Variants in KIF13A observed in about 807,000 individuals in gnomAD.
The protein encoded by KIF13A is kinesin-like protein KIF13A.
In KIF13A, 79 loss-of-function variants were observed where a neutral mutation model predicts 212.2. The observed-to-expected ratio is 0.37, with a 90% CI of 0.31 to 0.45. KIF13A has a LOEUF of 0.45. KIF13A is among the 20% of genes least tolerant of loss of function. The probability of loss-of-function intolerance (pLI) is 1.00; values close to 1 mark genes in which losing one functional copy is unlikely to be tolerated. For synonymous variants in KIF13A, 789 were observed against 808.6 expected (o/e 0.98, Z 0.41); for missense variants, 1,901 against 2,209.0 (o/e 0.86, Z 2.79).
intron 16 of KIF13A, among the ~76,000 whole-genome samples, chr6:17,822,683 G>C (rs906709790): frequency 6.6e-6 from 1 of 152,110 alleles, no homozygotes; most frequent in Non-Finnish European, 1.5e-5. Context: ...GTCTCCAATG[G>C]GAGTTCCTCC....
chr6:17,882,008 A>T (rs1014666362), intron 3 of KIF13A: 2 of 456,592 alleles, frequency 4.4e-6, no homozygotes, highest in African/African-American at 4.0e-5. Flanking sequence ...AAAAATAAAA[A>T]AAGAAGTAAG....
At position 17,886,029 on chromosome 6, in the gene KIF13A, ACTT is replaced by A. The variant is rs1279631971; in HGVS notation, c.159+12136_159+12138del. Among the ~76,000 whole-genome samples, 1 of 152,242 alleles carries A rather than the reference ACTT, an allele frequency of 6.6e-6. No individual in the cohort carries two copies. Among genetic ancestry groups the A allele is most frequent in the African/African-American group, 2.4e-5 (1 of 41,464 alleles). On this transcript the variant is annotated intron_variant, in intron 3 of 38. Transcript: ENST00000259711. This position sits in a 1 kb window ranked among gnomAD's most constrained non-coding sequence, Gnocchi z 5.6. ...ATGTGGATATTTTCAAACACAGAAT[ACTT>A]CTTCTTCAATAAAAACAGTCCAAAA...
rs1215889281 is a variant in KIF13A at position 17,834,365 on chromosome 6, T to A, written c.1156-294A>T. Among the ~76,000 whole-genome samples, 1 of 152,238 alleles carries A rather than the reference T, an allele frequency of 6.6e-6. No homozygotes were observed. The highest frequency in any genetic ancestry group is 1.5e-5 in the Non-Finnish European group (1 of 68,040). On this transcript the variant is annotated intron_variant, in intron 11 of 38. Coordinates refer to ENST00000259711, the MANE Select transcript of KIF13A (RefSeq NM_022113.6). The surrounding 1 kb of genome is among the most constrained non-coding windows in gnomAD (Gnocchi z 4.0). ...GCCCTAAAAGATGCTAACGTTCAAC[T>A]TTGAAATAGATAAGCAGGACAAAAG...
Position 17,776,418 on chromosome 6 carries a change from A to G in KIF13A, c.4170+859T>C, listed in dbSNP as rs1759986478. Among the ~76,000 whole-genome samples, 1 of 152,218 alleles carries G rather than the reference A, an allele frequency of 6.6e-6. No individual in the cohort carries two copies. Among genetic ancestry groups the G allele is most frequent in the Non-Finnish European group, 1.5e-5 (1 of 68,028 alleles). On this transcript the variant is annotated intron_variant, in intron 34 of 38. Coordinates refer to ENST00000259711, the MANE Select transcript of KIF13A (RefSeq NM_022113.6). The surrounding 1 kb of genome is among the most constrained non-coding windows in gnomAD (Gnocchi z 4.6). ...TCTCATTTAGTTCTAAATACATCCT[A>G]ATTTCCATCATAATTTCTTCTTTGA...
chr6:17,821,384 T>C (rs966850527), intron 16 of KIF13A, among the ~76,000 whole-genome samples: 1 of 152,206 alleles, frequency 6.6e-6, no homozygotes, highest in African/African-American at 2.4e-5. Flanking sequence ...TAGGTGAATA[T>C]ATATCTGGAA....
chr6:17,770,951 G>A (rs900430521), intron 38 of KIF13A, 163 bp downstream of exon 38: 3 of 581,934 alleles, frequency 5.2e-6, no homozygotes, highest in Non-Finnish European at 8.8e-6. Context: ...GTAGGTCATG[G>A]CCACATCCAT....
At chr6:17,980,578 A>G (rs1780975185) in intron 2 of KIF13A, among the ~76,000 whole-genome samples, 3 of 152,138 alleles carry the variant, frequency 2.0e-5, no homozygotes, top group Non-Finnish European at 2.9e-5. Context: ...AGAGCACCTG[A>G]TATGTTTGAA....
At chr6:17,814,249 C>CTTTTT (rs34056148) in intron 17 of KIF13A, among the ~76,000 whole-genome samples, 3 of 89,564 alleles carry the variant, frequency 3.3e-5, no homozygotes, top group Non-Finnish European at 6.0e-5. Flanking sequence ...CAGTGCCCGG[C>CTTTTT]TTTTTTTTTT....
Position 17,785,740 on chromosome 6 carries a change from C to G in KIF13A, c.3362-99G>C, listed in dbSNP as rs144445052. 7.7e-4 allele frequency: 960 copies of G among 1,252,708 alleles called. 9 individuals carry two copies. The African/African-American group carries it at 0.013, about 17-fold the overall frequency. The allele number at this position is 1,252,708 out of a possible 1,614,324, so 77.6% of individuals were successfully genotyped here. On this transcript the variant is annotated intron_variant, in intron 27 of 38. Coordinates refer to ENST00000259711, the MANE Select transcript of KIF13A (RefSeq NM_022113.6). The surrounding 1 kb of genome is among the most constrained non-coding windows in gnomAD (Gnocchi z 5.8). ...TCAGCCTGGGCAACATAGTGAGACC[C>G]CATCTCTACCAAAAAAAAAAAAATA...
intron 6 of KIF13A, among the ~76,000 whole-genome samples, chr6:17,853,605 G>A (rs1386030956): frequency 6.6e-6 from 1 of 152,108 alleles, no homozygotes; most frequent in African/African-American, 2.4e-5. Flanking sequence ...GACAGAGAAA[G>A]TGATGAATTA....
At position 17,771,748 on chromosome 6, in the gene KIF13A, G is replaced by T; in HGVS notation, c.4476+160C>A. 1.6e-6 allele frequency: 1 copy of T among 618,352 alleles called. No individual in the cohort carries two copies. Among genetic ancestry groups the T allele is most frequent in the Non-Finnish European group, 2.9e-6 (1 of 348,998 alleles). The allele number at this position is 618,352 out of a possible 1,614,324, so 38.3% of individuals were successfully genotyped here. ...AACAACAAACAAGAGATTCTACCAT[G>T]ACTCTGCATGCTTGAGAAAGAGGAA... On this transcript the variant is annotated intron_variant, in intron 37 of 38. Coordinates refer to ENST00000259711, the MANE Select transcript of KIF13A (RefSeq NM_022113.6). The surrounding 1 kb of genome is among the most constrained non-coding windows in gnomAD (Gnocchi z 5.4).
rs1436146284 is a variant in KIF13A at position 17,764,292 on chromosome 6, C to A, written c.5236G>T (p.Asp1746Tyr). ...TEFMGVSEGK[D>Y]FDGLTDSSAG... ...GAAGAATCTGTCAAACCATCAAAATCTTTTCCCTCTGACACTCCCATAAAT... is the reference window on the plus strand; with the variant it reads ...GAAGAATCTGTCAAACCATCAAAATATTTTCCCTCTGACACTCCCATAAAT... The change falls in exon 39 of 39, where the codon GAT (aspartate) becomes TAT (tyrosine). Residue 1746 changes from aspartate (D) to tyrosine (Y), a missense_variant. Physicochemically the swap from Asp to Tyr is radical, Grantham distance 160. Coordinates refer to ENST00000259711, the MANE Select transcript of KIF13A (RefSeq NM_022113.6). This position sits in a 1 kb window ranked among gnomAD's most constrained non-coding sequence, Gnocchi z 5.1. 2 of 1,613,910 alleles carry A rather than the reference C, an allele frequency of 1.2e-6. No individual in the cohort carries two copies. The highest frequency in any genetic ancestry group is 2.2e-5 in the East Asian group (1 of 44,892).
At chr6:17,956,561 T>A (rs866198418) in intron 2 of KIF13A, among the ~76,000 whole-genome samples, 42 of 152,216 alleles carry the variant, frequency 2.8e-4, no homozygotes, top group African/African-American at 9.9e-4. Context: ...GCTGTGATAT[T>A]ATGGTGATAG....
At chr6:17,814,979 C>A (rs371358143) in intron 17 of KIF13A, among the ~76,000 whole-genome samples, 1 of 152,064 alleles carries the variant, frequency 6.6e-6, no homozygotes, top group Non-Finnish European at 1.5e-5. Context: ...ACGCAGAGAC[C>A]GGTAGTGGCC....
chr6:17,839,035 G>A lies in KIF13A; in HGVS notation c.831-1452C>T, dbSNP rs1766253845. 6.6e-6 allele frequency among the ~76,000 whole-genome samples: 1 copy of A among 152,168 alleles called. No individual in the cohort carries two copies. Among genetic ancestry groups the A allele is most frequent in the South Asian group, 2.1e-4 (1 of 4,826 alleles). ...GAGTTTCACAATGTTGCCCAGGCTGGTCTTGAACTCCTGATCTCAGGTGAT... is the reference window on the plus strand; with the variant it reads ...GAGTTTCACAATGTTGCCCAGGCTGATCTTGAACTCCTGATCTCAGGTGAT... On this transcript the variant is annotated intron_variant, in intron 9 of 38. Coordinates refer to ENST00000259711, the MANE Select transcript of KIF13A (RefSeq NM_022113.6). The surrounding 1 kb of genome is among the most constrained non-coding windows in gnomAD (Gnocchi z 4.3).
rs142701719 is a variant in KIF13A, at chr6:17,945,229, A to G, written c.146+41825T>C. 5.2e-3 allele frequency among the ~76,000 whole-genome samples: 795 copies of G among 152,354 alleles called. 5 individuals are homozygous for G. Among genetic ancestry groups the G allele is most frequent in the Non-Finnish European group, 8.6e-3 (582 of 68,034 alleles). The stretch of plus-strand genomic sequence containing the variant: ...TGGAACTACAACTAGATGATCACAA[A>G]AATAACACTGAACGAAAGAAGCTAG... On this transcript the variant is annotated intron_variant, in intron 2 of 38. Coordinates refer to ENST00000259711, the MANE Select transcript of KIF13A (RefSeq NM_022113.6).
rs776165310 is a variant in KIF13A at position 17,886,314 on chromosome 6, T to C, written c.159+11854A>G. Among the ~76,000 whole-genome samples the C allele has an allele frequency of 2.0e-5, 3 of 152,094 alleles. No individual in the cohort carries two copies. Among genetic ancestry groups the C allele is most frequent in the African/African-American group, 4.8e-5 (2 of 41,400 alleles). ...GTACATAGAGCCACAGAGAGGAGAATGCTAGGCTGACTCCATGGCCCCAGG... is the reference window on the plus strand; with the variant it reads ...GTACATAGAGCCACAGAGAGGAGAACGCTAGGCTGACTCCATGGCCCCAGG... On this transcript the variant is annotated intron_variant, in intron 3 of 38. Transcript: ENST00000259711. The surrounding 1 kb of genome is among the most constrained non-coding windows in gnomAD (Gnocchi z 5.6).
chr6:17,939,028 T>A (rs1776730804), intron 2 of KIF13A, among the ~76,000 whole-genome samples: 1 of 152,156 alleles, frequency 6.6e-6, no homozygotes, highest in African/African-American at 2.4e-5. Flanking sequence ...TGTAAGCAAA[T>A]TGGCACAAAT....
chr6:17,964,967 G>A (rs1168738983), intron 2 of KIF13A, among the ~76,000 whole-genome samples: 2 of 151,834 alleles, frequency 1.3e-5, no homozygotes, highest in Non-Finnish European at 2.9e-5. Context: ...GATTACAAGC[G>A]CCTGCCACCA....
Sources: allele counts gnomAD v4.1 joint callset (sites outside exome capture counted in the v4.1 genomes callset), GRCh38; gene constraint gnomAD v4.1.1; non-coding constraint Gnocchi (gnomAD v3.1); transcripts MANE v1.5; gene names NCBI Gene and HGNC (gene_info 2026-07-23, HGNC 2026-07-21).